The following TMEM164 variants were observed in gnomAD, a reference collection of about 807,000 sequenced individuals.
The protein encoded by TMEM164 is transmembrane protein 164.
A neutral mutation model predicts 18.8 loss-of-function variants in TMEM164; 4 were observed. The observed-to-expected ratio is 0.21, with a 90% CI of 0.10 to 0.49. The LOEUF is 0.49. TMEM164 is among the 20% of genes least tolerant of loss of function. The probability of loss-of-function intolerance (pLI) is 0.98; values close to 1 mark genes in which losing one functional copy is unlikely to be tolerated. For missense variants in TMEM164, 108 were observed against 239.9 expected, an observed-to-expected ratio of 0.45 and a Z score of 3.63; for synonymous variants, 86 against 101.7, an observed-to-expected ratio of 0.85 and a Z score of 0.93.
At chrX:110,073,908 C>G (rs142108531) in intron 3 of TMEM164, among the ~76,000 whole-genome samples, 10 of 110,837 alleles carry the variant, frequency 9.0e-5, no homozygotes, top group Admixed American at 2.9e-4. Flanking sequence ...GACAGAATCT[C>G]GCTTTGTTGC....
At chrX:110,138,877 C>CTGTTAA (rs2148048630) in intron 4 of TMEM164, among the ~76,000 whole-genome samples, 1 of 112,040 alleles carries the variant, frequency 8.9e-6, no homozygotes, top group East Asian at 2.8e-4. Context: ...TAACTTCCAT[C>CTGTTAA]CTTGTGTTGC....
intron 5 of TMEM164, among the ~76,000 whole-genome samples, chrX:110,149,411 C>T (rs1220116675): frequency 8.9e-6 from 1 of 111,963 alleles, no homozygotes; most frequent in African/African-American, 3.3e-5. Flanking sequence ...AATCTAATGA[C>T]CATCTCTCAG....
At chrX:110,004,265 G>T in intron 2 of TMEM164, 101 bp downstream of exon 2, 3 of 1,009,825 alleles carry the variant, frequency 3.0e-6, no homozygotes, top group Non-Finnish European at 4.0e-6. Context: ...GCGGGCAGGG[G>T]GACCTTTAAA....
chrX:110,149,025 T>C (rs1307904159), intron 5 of TMEM164, among the ~76,000 whole-genome samples: 1 of 111,258 alleles, frequency 9.0e-6, no homozygotes, highest in Admixed American at 9.6e-5. Flanking sequence ...AATTTTTGTC[T>C]TATCCACGTA....
intron 3 of TMEM164, among the ~76,000 whole-genome samples, chrX:110,108,162 G>T (rs1442038420): frequency 9.8e-6 from 1 of 102,530 alleles, no homozygotes; most frequent in Non-Finnish European, 2.0e-5. Flanking sequence ...TAGTGTTGAG[G>T]TCTAAGAGGC....
At chrX:110,147,518 C>G (rs2066874358) in intron 5 of TMEM164, among the ~76,000 whole-genome samples, 2 of 111,432 alleles carry the variant, frequency 1.8e-5, no homozygotes, top group African/African-American at 6.5e-5. Context: ...CTGCCCTGCC[C>G]CATATGCTGC....
At chrX:110,064,018 G>A (rs776470299) in intron 2 of TMEM164, among the ~76,000 whole-genome samples, 46 of 111,502 alleles carry the variant, frequency 4.1e-4, no homozygotes, top group Non-Finnish European at 7.2e-4. Context: ...GCTCTCATCA[G>A]AAAGCTTGTC....
At chrX:110,068,869 TTTG>T (rs1432553727) in intron 3 of TMEM164, among the ~76,000 whole-genome samples, 3 of 111,812 alleles carry the variant, frequency 2.7e-5, no homozygotes, top group East Asian at 5.5e-4. Context: ...TTTGGAATGT[TTTG>T]TTGTTGTTCA....
Position 110,023,715 on chromosome X carries a change from C to T in TMEM164, c.390+19551C>T, listed in dbSNP as rs1034044500. 1.8e-5 allele frequency among the ~76,000 whole-genome samples: 2 copies of T among 111,719 alleles called. 1 individual carries two copies. Among genetic ancestry groups the T allele is most frequent in the South Asian group, 7.5e-4 (2 of 2,673 alleles). ...GGGTCAGGGAGGTTACGTAACATAC[C>T]CAAGGTCACACAGCTAGAAAGTGAC... On this transcript the variant is annotated intron_variant, in intron 2 of 6. Transcript: ENST00000372068.
At chrX:110,092,472 T>C (rs2065945478) in intron 3 of TMEM164, among the ~76,000 whole-genome samples, 2 of 111,832 alleles carry the variant, frequency 1.8e-5, no homozygotes, top group South Asian at 3.7e-4. Context: ...TTTGAAGCAA[T>C]TGTGAATGGG....
At chrX:110,084,946 C>G (rs923647817) in intron 3 of TMEM164, among the ~76,000 whole-genome samples, 1 of 110,424 alleles carries the variant, frequency 9.1e-6, no homozygotes, top group Non-Finnish European at 1.9e-5. Context: ...GAGCTACTTA[C>G]CCTAGGTTGT....
At chrX:110,151,641 T>C (rs2066940524) in intron 5 of TMEM164, among the ~76,000 whole-genome samples, 3 of 110,677 alleles carry the variant, frequency 2.7e-5, no homozygotes, top group Non-Finnish European at 1.9e-5. Flanking sequence ...ATTAGCCAAG[T>C]GTGGTGGTGC....
chrX:110,121,854 T>C (rs751103037), intron 4 of TMEM164, among the ~76,000 whole-genome samples: 1 of 112,305 alleles, frequency 8.9e-6, no homozygotes, highest in East Asian at 2.8e-4. Context: ...CACTTGTTAT[T>C]GTGTCTTTTT....
At position 110,124,780 on chromosome X, in the gene TMEM164, C is replaced by T. The variant is rs560967180; in HGVS notation, c.507+15634C>T. 3.6e-5 allele frequency among the ~76,000 whole-genome samples: 4 copies of T among 111,511 alleles called. No individual in the cohort carries two copies. In the South Asian group the frequency reaches 1.5e-3, roughly 42 times the overall value. The stretch of plus-strand genomic sequence containing the variant: ...TTTCAATGATTGTCACCACATAGCC[C>T]ATCTTTTTCTTTTTAACAATACACC... On this transcript the variant is annotated intron_variant, in intron 4 of 6. Transcript: ENST00000372068.
chrX:110,088,045 G>A (rs1199635118), intron 3 of TMEM164, among the ~76,000 whole-genome samples: 2 of 111,845 alleles, frequency 1.8e-5, no homozygotes, highest in Non-Finnish European at 3.8e-5. Context: ...TGGCCTTTGG[G>A]CCACATGATA....
At chrX:110,015,648 C>T (rs1408702833) in intron 2 of TMEM164, among the ~76,000 whole-genome samples, 2 of 110,685 alleles carry the variant, frequency 1.8e-5, no homozygotes, top group African/African-American at 6.6e-5. Flanking sequence ...ACAAGTGCCT[C>T]ATTATCAGCA....
chrX:110,051,135 AAAG>A (rs1213508769), intron 2 of TMEM164, among the ~76,000 whole-genome samples: 1 of 111,718 alleles, frequency 9.0e-6, no homozygotes, highest in Non-Finnish European at 1.9e-5. Flanking sequence ...TATACAGTGT[AAAG>A]AAGATTTTTT....
At chrX:110,099,693 T>A (rs1330815320) in intron 3 of TMEM164, among the ~76,000 whole-genome samples, 3 of 112,217 alleles carry the variant, frequency 2.7e-5, no homozygotes, top group Non-Finnish European at 5.6e-5. Flanking sequence ...GCTATTCCTG[T>A]TTCTTTGACC....
At chrX:110,167,483 G>A (rs1354681936) in intron 5 of TMEM164, among the ~76,000 whole-genome samples, 1 of 112,342 alleles carries the variant, frequency 8.9e-6, no homozygotes, top group East Asian at 2.8e-4. Context: ...TTGAATGGTA[G>A]TGGACTCTGT....
Sources: gnomAD v4.1 joint callset for allele counts (sites outside exome capture counted in the v4.1 genomes callset) on GRCh38, gnomAD v4.1.1 for gene constraint, MANE v1.5 for transcripts, NCBI Gene and HGNC (gene_info 2026-07-23, HGNC 2026-07-21) for gene names.